Variants in KPNA4 observed in about 807,000 individuals in gnomAD.
KPNA4 encodes importin subunit alpha-3.
Under a neutral mutation model 71.3 loss-of-function variants are expected in KPNA4, and 13 were observed. That is an observed-to-expected ratio of 0.18 (90% CI 0.12 to 0.29). The LOEUF (loss-of-function observed/expected upper bound fraction) is 0.29, where lower values mean the gene tolerates loss of function less well. Among genes scored for constraint, KPNA4 ranks in the 10% least tolerant of loss-of-function variants. The pLI, the probability that KPNA4 is intolerant of heterozygous loss-of-function variation, is 1.00. For missense variants in KPNA4, 334 were observed against 603.2 expected, an observed-to-expected ratio of 0.55 and a Z score of 4.67; for synonymous variants, 189 against 195.2, an observed-to-expected ratio of 0.97 and a Z score of 0.26.
At chr3:160,547,369 T>G (rs2108558108) in intron 1 of KPNA4, among the ~76,000 whole-genome samples, 1 of 152,256 alleles carries the variant, frequency 6.6e-6, no homozygotes, top group South Asian at 2.1e-4. Flanking sequence ...TATCACCAAT[T>G]TTATATATTT....
rs116863901 is a variant in KPNA4 at position 160,505,219 on chromosome 3, A to G, written c.1373-167T>C. The stretch of plus-strand genomic sequence containing the variant: ...AAATATAAAAAAATTTTATGCACAA[A>G]GATACAGCATATTTATCTTAAAATC... On this transcript the variant is annotated intron_variant, in intron 15 of 16. Coordinates refer to ENST00000334256, the MANE Select transcript of KPNA4 (RefSeq NM_002268.5). 2.6e-5 allele frequency among the ~76,000 whole-genome samples: 4 copies of G among 152,344 alleles called. No homozygotes were observed. In the East Asian group the frequency reaches 7.7e-4, roughly 29 times the overall value.
At chr3:160,517,547 T>C (rs1276690678) in intron 11 of KPNA4, among the ~76,000 whole-genome samples, 1 of 152,108 alleles carries the variant, frequency 6.6e-6, no homozygotes, top group Non-Finnish European at 1.5e-5. Context: ...CAAAACTATA[T>C]TCCAAAGCGG....
At chr3:160,526,959 T>C (rs944849236) in intron 8 of KPNA4, among the ~76,000 whole-genome samples, 1 of 152,180 alleles carries the variant, frequency 6.6e-6, no homozygotes, top group Non-Finnish European at 1.5e-5. Context: ...ATAGCATTCC[T>C]AATAGTATAA....
At chr3:160,516,853 T>G (rs982997360) in intron 11 of KPNA4, among the ~76,000 whole-genome samples, 10 of 152,056 alleles carry the variant, frequency 6.6e-5, no homozygotes, top group Admixed American at 6.5e-5. Flanking sequence ...TGGTATGAAT[T>G]TGAATTATCA....
chr3:160,497,924 A>G lies in KPNA4; in HGVS notation c.*4180T>C, dbSNP rs1338211462. 6.6e-6 allele frequency: 1 copy of G among 152,230 alleles called. No homozygotes were observed. The highest frequency in any genetic ancestry group is 1.5e-5 in the Non-Finnish European group (1 of 68,038). 9.4% of individuals were successfully genotyped at this position (152,230 alleles called of 1,614,324 possible). The stretch of plus-strand genomic sequence containing the variant: ...CAACTAATTTCAAAACTCTTAGGCA[A>G]GCTTCTATAACAATGTTACCCATTC... On this transcript the variant is annotated 3_prime_UTR_variant, in exon 17 of 17. Coordinates refer to ENST00000334256, the MANE Select transcript of KPNA4 (RefSeq NM_002268.5).
intron 1 of KPNA4, among the ~76,000 whole-genome samples, chr3:160,548,382 T>C (rs1208680336): frequency 6.6e-6 from 1 of 152,234 alleles, no homozygotes; most frequent in Non-Finnish European, 1.5e-5. Context: ...AATGTTCATA[T>C]TGTTGTGCAT....
At chr3:160,503,527 GTTA>G (rs201794831) in intron 16 of KPNA4, among the ~76,000 whole-genome samples, 5 of 151,788 alleles carry the variant, frequency 3.3e-5, no homozygotes, top group African/African-American at 4.8e-5. Flanking sequence ...GCTAATAATG[GTTA>G]TTATTATTAT....
Position 160,495,379 on chromosome 3 carries a change from C to G in KPNA4, c.*6725G>C, listed in dbSNP as rs922317242. On this transcript the variant is annotated 3_prime_UTR_variant, in exon 17 of 17. Coordinates refer to ENST00000334256, the MANE Select transcript of KPNA4 (RefSeq NM_002268.5). ...CTGTGTATTTTCTTGCTCCCTGCAG[C>G]TGAGAATTGCAAAAAGAAAACAGGG... The G allele has an allele frequency of 6.6e-6, 1 of 152,050 alleles. No homozygotes were observed. Among genetic ancestry groups the G allele is most frequent in the African/African-American group, 2.4e-5 (1 of 41,382 alleles). The allele number at this position is 152,050 out of a possible 1,614,324, so 9.4% of individuals were successfully genotyped here.
chr3:160,543,669 T>C (rs536499182), intron 1 of KPNA4, among the ~76,000 whole-genome samples: 53 of 152,272 alleles, frequency 3.5e-4, no homozygotes, highest in Non-Finnish European at 4.3e-4. Context: ...TCAAAAAATA[T>C]GTAATTGTCA....
At chr3:160,525,884 TA>T in intron 9 of KPNA4, 40 bp from the exon 10 acceptor site, 3 of 1,518,648 alleles carry the variant, frequency 2.0e-6, no homozygotes, top group South Asian at 1.3e-5. Context: ...CATACACAAA[TA>T]AAAAATATAT....
intron 1 of KPNA4, among the ~76,000 whole-genome samples, chr3:160,543,263 C>T (rs940579414): frequency 2.0e-5 from 3 of 152,156 alleles, no homozygotes; most frequent in Non-Finnish European, 2.9e-5. Context: ...AGGCAAGTCA[C>T]GACCTTTACG....
At chr3:160,555,997 A>G (rs952162687) in intron 1 of KPNA4, among the ~76,000 whole-genome samples, 1 of 151,970 alleles carries the variant, frequency 6.6e-6, no homozygotes, top group South Asian at 2.1e-4. Context: ...ATGCCTGGCT[A>G]ATTTTGTATT....
intron 12 of KPNA4, among the ~76,000 whole-genome samples, chr3:160,514,742 T>G (rs1721168485): frequency 6.6e-6 from 1 of 152,186 alleles, no homozygotes; most frequent in Non-Finnish European, 1.5e-5. Flanking sequence ...GAACCAGATA[T>G]TTGATTGTTT....
intron 1 of KPNA4, among the ~76,000 whole-genome samples, chr3:160,561,442 CTG>C (rs906168836): frequency 3.9e-5 from 6 of 151,962 alleles, no homozygotes; most frequent in Non-Finnish European, 7.4e-5. Context: ...TTCTACAACA[CTG>C]TAAGAAGCAG....
chr3:160,537,980 A>G (rs912619955), intron 1 of KPNA4, among the ~76,000 whole-genome samples: 1 of 151,948 alleles, frequency 6.6e-6, no homozygotes, highest in Non-Finnish European at 1.5e-5. Flanking sequence ...AGTCTAGTAT[A>G]ATGACAGCAA....
intron 1 of KPNA4, among the ~76,000 whole-genome samples, chr3:160,552,489 G>C (rs1182839950): frequency 6.6e-6 from 1 of 152,126 alleles, no homozygotes; most frequent in Non-Finnish European, 1.5e-5. Context: ...ACCAGGCTCT[G>C]TAATGAGACT....
At chr3:160,520,256 C>CTT (rs540891880) in intron 11 of KPNA4, among the ~76,000 whole-genome samples, 4 of 145,074 alleles carry the variant, frequency 2.8e-5, no homozygotes, top group East Asian at 2.0e-4. Flanking sequence ...ATTGTTTTTT[C>CTT]TTTTTTTTTT....
intron 7 of KPNA4, among the ~76,000 whole-genome samples, chr3:160,528,830 A>G (rs1012149056): frequency 6.6e-6 from 1 of 152,250 alleles, no homozygotes; most frequent in African/African-American, 2.4e-5. Flanking sequence ...ACTGCACTGA[A>G]CAAATGATTC....
At chr3:160,554,573 C>G (rs988746519) in intron 1 of KPNA4, among the ~76,000 whole-genome samples, 7 of 151,908 alleles carry the variant, frequency 4.6e-5, no homozygotes, top group Non-Finnish European at 7.4e-5. Flanking sequence ...CTCGGGGGGG[C>G]CCTAGATAGT....
Sources: gnomAD v4.1 joint callset for allele counts (sites outside exome capture counted in the v4.1 genomes callset) on GRCh38, gnomAD v4.1.1 for gene constraint, MANE v1.5 for transcripts, NCBI Gene and HGNC (gene_info 2026-07-23, HGNC 2026-07-21) for gene names.